The following GEMIN4 variants were observed in gnomAD, a reference collection of about 807,000 sequenced individuals.
The protein encoded by GEMIN4 is gem nuclear organelle associated protein 4.
In GEMIN4, 59 loss-of-function variants were observed where a neutral mutation model predicts 76.8. The observed-to-expected ratio is 0.77, with a 90% CI of 0.62 to 0.95. The LOEUF is 0.95. Ranked by LOEUF, GEMIN4 falls within the 40% of genes least tolerant of loss-of-function variation. The pLI, the probability that GEMIN4 is intolerant of heterozygous loss-of-function variation, is 0.00. For synonymous variants in GEMIN4, 562 were observed against 559.7 expected, an observed-to-expected ratio of 1.00 and a Z score of -0.06; for missense variants, 1,311 against 1,318.9, an observed-to-expected ratio of 0.99 and a Z score of 0.09.
In GEMIN4 at chr17:745,507, C is replaced by T. The variant is rs775394343; in HGVS notation, c.2536G>A (p.Val846Ile). The change falls in exon 2 of 2, where the codon GTC becomes ATC. Residue 846 changes from valine to isoleucine, a missense_variant. Val to Ile is a conservative substitution (Grantham distance 29). Around this residue, in one of 2 missense-constraint regions of GEMIN4, gnomAD observed 1,208 missense variants for 1,166.9 expected, o/e 1.04. Coordinates refer to ENST00000319004, the MANE Select transcript of GEMIN4 (RefSeq NM_015721.3). This position sits in a 1 kb window ranked among gnomAD's most constrained non-coding sequence, Gnocchi z 4.6. The part of the protein sequence containing the change: ...LVVDVGNPEE[V>I]RLFSKGFLVA... ...AGAAAGCCTTTGCTGAACAGTCTGA[C>T]CTCCTCAGGATTGCCCACGTCCACC... The T allele has an allele frequency of 1.2e-6, 2 of 1,612,006 alleles. No homozygotes were observed. Among genetic ancestry groups the T allele is most frequent in the Admixed American group, 3.3e-5 (2 of 59,998 alleles).
upstream of GEMIN4, chr17:752,270 C>A (rs956132885): frequency 2.4e-4 from 291 of 1,226,228 alleles, no homozygotes; most frequent in East Asian, 9.6e-5. Flanking sequence ...CTGCTCACAA[C>A]CTCCGCCCGG....
chr17:750,288 T>C (rs1904600717), intron 1 of GEMIN4, among the ~76,000 whole-genome samples: 1 of 152,180 alleles, frequency 6.6e-6, no homozygotes, highest in South Asian at 2.1e-4. Context: ...TGTTATGCCT[T>C]TGGGGATCAT....
upstream of GEMIN4, chr17:754,030 ACAG>A (rs1470524843): frequency 6.6e-6 from 1 of 152,282 alleles, no homozygotes; most frequent in Non-Finnish European, 1.5e-5. Flanking sequence ...GCGCCAGAAC[ACAG>A]CAGTTTAGAA....
upstream of GEMIN4, chr17:752,401 G>C: frequency 1.3e-6 from 1 of 754,126 alleles, no homozygotes; most frequent in Non-Finnish European, 1.8e-6. Flanking sequence ...TCGCTCACTA[G>C]ACCCCTCCGC....
In GEMIN4 at chr17:745,778, G is replaced by C; in HGVS notation, c.2265C>G (p.Ser755=). The C allele has an allele frequency of 6.2e-7, 1 of 1,612,082 alleles. No homozygotes were observed. The highest frequency in any genetic ancestry group is 1.1e-5 in the South Asian group (1 of 90,744). Residue 755 remains serine, a synonymous_variant, in exon 2 of 2, where the codon TCC becomes TCG. Coordinates refer to ENST00000319004, the MANE Select transcript of GEMIN4 (RefSeq NM_015721.3). The surrounding 1 kb of genome is among the most constrained non-coding windows in gnomAD (Gnocchi z 4.6). ...CTAACTTGCGGTGGAGCCAGGACAG[G>C]GACTTGATCCAGACATCCGGGGAGA... is the stretch of plus-strand genomic sequence containing the variant. ...ETFSPDVWIK[S]LSWLHRKLEQ...
At position 746,854 on chromosome 17, in the gene GEMIN4, T is replaced by A; in HGVS notation, c.1189A>T (p.Arg397Trp). The A allele has an allele frequency of 6.2e-7, 1 of 1,613,672 alleles. No individual in the cohort carries two copies. Among genetic ancestry groups the A allele is most frequent in the Non-Finnish European group, 8.5e-7 (1 of 1,179,640 alleles). ...LRKTSTVLKN[R>W]ALEDITASIA... Reference sequence around the variant, plus strand: ...GAAGCTGTGATATCCTCCAAGGCCCTGTTCTTCAGCACCGTGCTCGTTTTC... The same window carrying A: ...GAAGCTGTGATATCCTCCAAGGCCCAGTTCTTCAGCACCGTGCTCGTTTTC... The change falls in exon 2 of 2, where the codon AGG becomes TGG. Residue 397 changes from arginine (R) to tryptophan (W), a missense_variant. Coordinates refer to ENST00000319004, the MANE Select transcript of GEMIN4 (RefSeq NM_015721.3). The surrounding 1 kb of genome is among the most constrained non-coding windows in gnomAD (Gnocchi z 4.3).
At position 745,643 on chromosome 17, in the gene GEMIN4, C is replaced by T. The variant is rs756942107; in HGVS notation, c.2400G>A (p.Glu800=). 9.4e-6 allele frequency: 15 copies of T among 1,600,140 alleles called. No individual in the cohort carries two copies. In the South Asian group the frequency reaches 1.6e-4, roughly 17 times the overall value. Residue 800 remains glutamate, a synonymous_variant, in exon 2 of 2, where the codon GAG becomes GAA. Transcript: ENST00000319004. The surrounding 1 kb of genome is among the most constrained non-coding windows in gnomAD (Gnocchi z 4.6). ...LFEICKLSED[E]WTSQAHPGYG... ...ACCCTGGGTGGGCCTGGGAGGTCCACTCGTCTTCTGAAAGCTTACAGATCT... is the reference window on the plus strand; with the variant it reads ...ACCCTGGGTGGGCCTGGGAGGTCCATTCGTCTTCTGAAAGCTTACAGATCT...
In GEMIN4 at chr17:745,050, C is replaced by T. The variant is rs1974336665; in HGVS notation, c.2993G>A (p.Cys998Tyr). 6.2e-7 allele frequency: 1 copy of T among 1,613,726 alleles called. No individual in the cohort carries two copies. The highest frequency in any genetic ancestry group is 1.3e-5 in the African/African-American group (1 of 74,928). Residue 998 changes from cysteine (C) to tyrosine (Y), a missense_variant, in exon 2 of 2, where the codon TGT becomes TAT. Around this residue, in one of 2 missense-constraint regions of GEMIN4, gnomAD observed 1,208 missense variants for 1,166.9 expected, o/e 1.04. Coordinates refer to ENST00000319004, the MANE Select transcript of GEMIN4 (RefSeq NM_015721.3). The surrounding 1 kb of genome is among the most constrained non-coding windows in gnomAD (Gnocchi z 4.6). ...HIMAMLHPEV[C>Y]EPLYVLALET... ...CAAGGCTAAAACGTAGAGTGGCTCA[C>T]AGACCTCCGGGTGGAGCATGGCCAT... is the stretch of plus-strand genomic sequence containing the variant.
Position 746,084 on chromosome 17 carries a change from C to G in GEMIN4, c.1959G>C (p.Lys653Asn), listed in dbSNP as rs1338239661. ...AALLEPDEVL[K>N]EFVLPFLRLD... The stretch of plus-strand genomic sequence containing the variant: ...ACCTCAAGAAAGGCAGGACAAATTC[C>G]TTCAGCACCTCGTCTGGCTCAAGAA... The change falls in exon 2 of 2, where the codon AAG becomes AAC. Residue 653 changes from lysine to asparagine, a missense_variant. Lys to Asn is a moderately conservative substitution (Grantham distance 94). Coordinates refer to ENST00000319004, the MANE Select transcript of GEMIN4 (RefSeq NM_015721.3). The surrounding 1 kb of genome is among the most constrained non-coding windows in gnomAD (Gnocchi z 4.3). The G allele has an allele frequency of 6.2e-7, 1 of 1,613,980 alleles. No individual in the cohort carries two copies. Among genetic ancestry groups the G allele is most frequent in the East Asian group, 2.2e-5 (1 of 44,892 alleles).
At position 746,510 on chromosome 17, in the gene GEMIN4, G is replaced by C; in HGVS notation, c.1533C>G (p.Leu511=). ...GILRSWGRKG[L]SEKLLAYVEG... ...CCACATAAGCCAGCAACTTTTCAGA[G>C]AGGCCCTTTCGCCCCCAGGAACGCA... The change falls in exon 2 of 2, where the codon CTC becomes CTG. Residue 511 remains leucine (L), a synonymous_variant. Transcript: ENST00000319004. This position sits in a 1 kb window ranked among gnomAD's most constrained non-coding sequence, Gnocchi z 4.3. The C allele has an allele frequency of 1.2e-6, 2 of 1,613,998 alleles. No individual in the cohort carries two copies. Among genetic ancestry groups the C allele is most frequent in the Non-Finnish European group, 1.7e-6 (2 of 1,179,904 alleles).
At position 752,145 on chromosome 17, in the gene GEMIN4, C is replaced by A; in HGVS notation, c.-3G>T. 8.1e-7 allele frequency: 1 copy of A among 1,236,592 alleles called. No individual in the cohort carries two copies. The highest frequency in any genetic ancestry group is 1.0e-6 in the Non-Finnish European group (1 of 989,720). The allele number at this position is 1,236,592 out of a possible 1,614,324, so 76.6% of individuals were successfully genotyped here. On this transcript the variant is annotated 5_prime_UTR_variant, in exon 1 of 2. Coordinates refer to ENST00000319004, the MANE Select transcript of GEMIN4 (RefSeq NM_015721.3). ...CCGCGGCACCCACCTAGGTCCATGG[C>A]GGCGACGCCGGCGGCTGCGCGGGGC...
Position 747,925 on chromosome 17 carries a change from C to T in GEMIN4, c.118G>A (p.Glu40Lys). 6.2e-7 allele frequency: 1 copy of T among 1,613,842 alleles called. No homozygotes were observed. Among genetic ancestry groups the T allele is most frequent in the Non-Finnish European group, 8.5e-7 (1 of 1,179,848 alleles). The change falls in exon 2 of 2, where the codon GAA (glutamate) becomes AAA (lysine). Residue 40 changes from glutamate (E) to lysine (K), a missense_variant. Coordinates refer to ENST00000319004, the MANE Select transcript of GEMIN4 (RefSeq NM_015721.3). ...TCCACGATGGGCCGTCCAACACGTT[C>T]CCAGTCAGACTTTGTTAATTCTGCC... is the stretch of plus-strand genomic sequence containing the variant. ...ALAELTKSDWERVGRPIVEAL... is the reference protein window; with the variant it reads ...ALAELTKSDWKRVGRPIVEAL...
At position 744,987 on chromosome 17, in the gene GEMIN4, TTGG is replaced by T; in HGVS notation, c.3053_3055del (p.Thr1018del). Reference sequence around the variant, plus strand: ...CTGGAGCAAGGAGCTGACAGAAGGGTTGGTCTTGCTCAAAGTCTCATAGCAGGT... The same window carrying T: ...CTGGAGCAAGGAGCTGACAGAAGGGTTCTTGCTCAAAGTCTCATAGCAGGT... On this transcript the variant is annotated inframe_deletion, in exon 2 of 2. Coordinates refer to ENST00000319004, the MANE Select transcript of GEMIN4 (RefSeq NM_015721.3). 1 of 1,613,858 alleles carries T rather than the reference TTGG, an allele frequency of 6.2e-7. No individual in the cohort carries two copies. Among genetic ancestry groups the T allele is most frequent in the Non-Finnish European group, 8.5e-7 (1 of 1,179,876 alleles).
rs749377047 is a variant in GEMIN4 at position 746,689 on chromosome 17, C to G, written c.1354G>C (p.Asp452His). 3 of 1,613,492 alleles carry G rather than the reference C, an allele frequency of 1.9e-6. No homozygotes were observed. ...GSNRALFRQP[D>H]LVLRLLETVI... ...GTTTCCAGCAGCCTCAACACCAAGT[C>G]TGGCTGTCGGAAGAGGGCCCTGTTA... The change falls in exon 2 of 2, where the codon GAC becomes CAC. Residue 452 changes from aspartate to histidine, a missense_variant. Physicochemically the swap from Asp to His is moderately conservative, Grantham distance 81 (BLOSUM62 -1). Transcript: ENST00000319004. This position sits in a 1 kb window ranked among gnomAD's most constrained non-coding sequence, Gnocchi z 4.3.
intron 1 of GEMIN4, chr17:750,088 G>T: frequency 1.5e-6 from 1 of 680,266 alleles, no homozygotes; most frequent in Non-Finnish European, 1.8e-6. Flanking sequence ...AGGTTCAGTG[G>T]CTAGCACTTG....
At chr17:752,404 C>T, upstream of GEMIN4, 2 of 714,318 alleles carry the variant, frequency 2.8e-6, no homozygotes, top group Non-Finnish European at 3.9e-6. Context: ...CTCACTAGAC[C>T]CCTCCGCACC....
Position 746,181 on chromosome 17 carries a change from T to G in GEMIN4, c.1862A>C (p.Glu621Ala), listed in dbSNP as rs754999536. Reference sequence around the variant, plus strand: ...GTTCAGGAGCTCTAAAAATTGCTTTTCTTCCTTGGGTGTAGAGAACTTCAT... The same window carrying G: ...GTTCAGGAGCTCTAAAAATTGCTTTGCTTCCTTGGGTGTAGAGAACTTCAT... ...VWMKFSTPKEEKQFLELLNCL... is the reference protein window; with the variant it reads ...VWMKFSTPKEAKQFLELLNCL... Residue 621 changes from glutamate (E) to alanine (A), a missense_variant, in exon 2 of 2, where the codon GAA (glutamate) becomes GCA (alanine). By Grantham distance (107) the Glu-to-Ala change is moderately radical. Coordinates refer to ENST00000319004, the MANE Select transcript of GEMIN4 (RefSeq NM_015721.3). This position sits in a 1 kb window ranked among gnomAD's most constrained non-coding sequence, Gnocchi z 4.3. 6.2e-7 allele frequency: 1 copy of G among 1,613,872 alleles called. No homozygotes were observed. Among genetic ancestry groups the G allele is most frequent in the Non-Finnish European group, 8.5e-7 (1 of 1,179,900 alleles).
chr17:746,649 C>T lies in GEMIN4; in HGVS notation c.1394G>A (p.Ser465Asn), dbSNP rs373164512. 111 of 1,613,470 alleles carry T rather than the reference C, an allele frequency of 6.9e-5. No individual in the cohort carries two copies. The highest frequency in any genetic ancestry group is 8.6e-5 in the Non-Finnish European group (102 of 1,179,902). ...CTCAGGGATGGCTCTGTCAGCTGTG[C>T]TGACGTCTATCACTGTTTCCAGCAG... is the stretch of plus-strand genomic sequence containing the variant. ...LRLLETVIDV[S>N]TADRAIPESQ... The change falls in exon 2 of 2, where the codon AGC becomes AAC. Residue 465 changes from serine to asparagine, a missense_variant. Transcript: ENST00000319004. This position sits in a 1 kb window ranked among gnomAD's most constrained non-coding sequence, Gnocchi z 4.3.
At chr17:750,068 G>C (rs1904582176) in intron 1 of GEMIN4, 1 of 869,074 alleles carries the variant, frequency 1.2e-6, no homozygotes, top group African/African-American at 1.8e-5. Context: ...AAAATGATGT[G>C]ATTCTGGCCA....
Sources: gnomAD v4.1 joint callset for allele counts (sites outside exome capture counted in the v4.1 genomes callset) on GRCh38, gnomAD v4.1.1 for gene constraint, gnomAD v4.1.1 regional missense constraint, Gnocchi (gnomAD v3.1) non-coding constraint, MANE v1.5 for transcripts, NCBI Gene and HGNC (gene_info 2026-07-23, HGNC 2026-07-21) for gene names.